Variants in UBAC2 observed in about 807,000 individuals in gnomAD.
UBAC2 encodes the protein ubiquitin-associated domain-containing protein 2.
UBAC2 carries 26 observed loss-of-function variants against 44.0 expected under a neutral mutation model. That is an observed-to-expected ratio of 0.59 (90% confidence interval 0.43 to 0.82). UBAC2 has a LOEUF of 0.82. UBAC2 is among the 40% of genes least tolerant of loss of function. The probability of loss-of-function intolerance (pLI) is 0.00; values close to 1 mark genes in which losing one functional copy is unlikely to be tolerated. For synonymous variants in UBAC2, 155 were observed against 154.3 expected, an observed-to-expected ratio of 1.00 and a Z score of -0.04; for missense variants, 329 against 419.4, an observed-to-expected ratio of 0.78 and a Z score of 1.88.
At chr13:99,229,944 TTA>T (rs2043154134) in intron 1 of UBAC2, among the ~76,000 whole-genome samples, 1 of 152,230 alleles carries the variant, frequency 6.6e-6, no homozygotes, top group Non-Finnish European at 1.5e-5. Context: ...GTTGTGTAAC[TTA>T]TGGGGAGTAT....
At chr13:99,330,309 A>G (rs2044697038) in intron 6 of UBAC2, among the ~76,000 whole-genome samples, 1 of 151,716 alleles carries the variant, frequency 6.6e-6, no homozygotes, top group Non-Finnish European at 1.5e-5. Flanking sequence ...AAATACAAAA[A>G]TTAGCCAGGC....
At chr13:99,203,393 A>G (rs995971356) in intron 1 of UBAC2, among the ~76,000 whole-genome samples, 3 of 152,232 alleles carry the variant, frequency 2.0e-5, no homozygotes, top group Admixed American at 6.5e-5. Context: ...CTGAGCAAGA[A>G]TCTGAAAGAA....
chr13:99,376,393 C>T (rs2045480249), intron 8 of UBAC2, among the ~76,000 whole-genome samples: 1 of 152,156 alleles, frequency 6.6e-6, no homozygotes, highest in Non-Finnish European at 1.5e-5. Context: ...ACTGGGGCAC[C>T]CTGGACACCT....
At chr13:99,208,603 C>T (rs568614997) in intron 1 of UBAC2, among the ~76,000 whole-genome samples, 1 of 151,928 alleles carries the variant, frequency 6.6e-6, no homozygotes, top group African/African-American at 2.4e-5. Context: ...CCTTTTTTTC[C>T]CAGTTAAGAC....
intron 6 of UBAC2, among the ~76,000 whole-genome samples, chr13:99,338,970 G>A (rs534285448): frequency 5.7e-4 from 86 of 152,182 alleles, no homozygotes; most frequent in African/African-American, 1.9e-3. Flanking sequence ...GTGCACTCCT[G>A]GATTCAGTCC....
At chr13:99,362,478 C>G (rs1006814011) in intron 7 of UBAC2, among the ~76,000 whole-genome samples, 1 of 152,218 alleles carries the variant, frequency 6.6e-6, no homozygotes, top group African/African-American at 2.4e-5. Flanking sequence ...CTCTCATCAG[C>G]AACTTATCAG....
At chr13:99,218,090 G>A (rs2043017139) in intron 1 of UBAC2, among the ~76,000 whole-genome samples, 1 of 152,088 alleles carries the variant, frequency 6.6e-6, no homozygotes, top group African/African-American at 2.4e-5. Context: ...TCCCATATTT[G>A]TGTGTTACAG....
intron 1 of UBAC2, among the ~76,000 whole-genome samples, chr13:99,219,100 G>C (rs1221095184): frequency 1.3e-5 from 2 of 152,318 alleles, no homozygotes; most frequent in East Asian, 3.9e-4. Flanking sequence ...GTCAGACATA[G>C]GAAAACCAAT....
At position 99,295,246 on chromosome 13, in the gene UBAC2, A is replaced by G. The variant is rs1459733963; in HGVS notation, c.390-18851A>G. The G allele has an allele frequency of 3.1e-6, 5 of 1,614,032 alleles. No individual in the cohort carries two copies. The highest frequency in any genetic ancestry group is 2.2e-5 in the East Asian group (1 of 44,882). ...AGTAGATAAAAGGGTCCATGCAGCA[A>G]TTGAAGTTCATCAGGCATACTGTAA... is the stretch of plus-strand genomic sequence containing the variant. On this transcript the variant is annotated intron_variant, in intron 4 of 8. Coordinates refer to ENST00000403766, the MANE Select transcript of UBAC2 (RefSeq NM_001144072.2). This position sits in a 1 kb window ranked among gnomAD's most constrained non-coding sequence, Gnocchi z 4.1.
intron 1 of UBAC2, among the ~76,000 whole-genome samples, chr13:99,206,527 G>C (rs1409818117): frequency 6.6e-6 from 1 of 152,160 alleles, no homozygotes; most frequent in East Asian, 1.9e-4. Context: ...TGTCTCCAGT[G>C]TATCAGCCCA....
intron 4 of UBAC2, among the ~76,000 whole-genome samples, chr13:99,289,665 G>T (rs2044064496): frequency 1.3e-5 from 2 of 151,570 alleles, no homozygotes; most frequent in Admixed American, 6.6e-5. Flanking sequence ...ATCAGAACAG[G>T]TTAGCTTATG....
At chr13:99,349,039 A>G (rs1386184484) in intron 7 of UBAC2, among the ~76,000 whole-genome samples, 1 of 152,190 alleles carries the variant, frequency 6.6e-6, no homozygotes, top group Non-Finnish European at 1.5e-5. Flanking sequence ...CTGTGTGCTC[A>G]GGATATTGTT....
At chr13:99,313,881 G>A (rs1165282528) in intron 4 of UBAC2, among the ~76,000 whole-genome samples, 1 of 152,174 alleles carries the variant, frequency 6.6e-6, no homozygotes, top group Non-Finnish European at 1.5e-5. Context: ...GTGGTTTCAG[G>A]AGGGTCAATA....
chr13:99,285,836 T>C (rs922188740), intron 4 of UBAC2, among the ~76,000 whole-genome samples: 1 of 152,176 alleles, frequency 6.6e-6, no homozygotes, highest in Non-Finnish European at 1.5e-5. Flanking sequence ...AACGTGTGGC[T>C]CTTGAATTCA....
intron 7 of UBAC2, among the ~76,000 whole-genome samples, chr13:99,349,172 A>G (rs1301171716): frequency 6.6e-6 from 1 of 152,118 alleles, no homozygotes; most frequent in Non-Finnish European, 1.5e-5. Context: ...GATCATCCGA[A>G]TGGTGCCTGT....
At chr13:99,357,602 A>G (rs2045206094) in intron 7 of UBAC2, among the ~76,000 whole-genome samples, 1 of 152,228 alleles carries the variant, frequency 6.6e-6, no homozygotes, top group Non-Finnish European at 1.5e-5. Flanking sequence ...GGAATTGCAA[A>G]TAACTGTCTT....
At chr13:99,287,535 C>T (rs182191189) in intron 4 of UBAC2, among the ~76,000 whole-genome samples, 1 of 152,102 alleles carries the variant, frequency 6.6e-6, no homozygotes, top group East Asian at 1.9e-4. Context: ...GGTGATTCTC[C>T]CACACCAGCC....
chr13:99,202,472 C>T (rs766079215), intron 1 of UBAC2, among the ~76,000 whole-genome samples: 3 of 152,134 alleles, frequency 2.0e-5, no homozygotes, highest in Non-Finnish European at 2.9e-5. Flanking sequence ...TTCAATTGTT[C>T]TTTAGCATTT....
intron 4 of UBAC2, among the ~76,000 whole-genome samples, chr13:99,302,174 G>A (rs1181381713): frequency 6.6e-6 from 1 of 152,192 alleles, no homozygotes; most frequent in African/African-American, 2.4e-5. Context: ...CCACCCAGAT[G>A]CAGCCACACA....
Sources: allele counts gnomAD v4.1 joint callset (sites outside exome capture counted in the v4.1 genomes callset), GRCh38; gene constraint gnomAD v4.1.1; non-coding constraint Gnocchi (gnomAD v3.1); transcripts MANE v1.5; gene names NCBI Gene and HGNC (gene_info 2026-07-23, HGNC 2026-07-21).